RAB3C: variants seen among roughly 807,000 people sequenced by gnomAD.
The protein encoded by RAB3C is RAB3C, member RAS oncogene family, also known as ras-related protein Rab-3C.
Under a neutral mutation model 26.4 loss-of-function variants are expected in RAB3C, and 17 were observed. The observed-to-expected ratio is 0.64, with a 90% CI of 0.44 to 0.97. The LOEUF (loss-of-function observed/expected upper bound fraction) is 0.97, where lower values mean the gene tolerates loss of function less well. Ranked by LOEUF, RAB3C falls within the 50% of genes least tolerant of loss-of-function variation. RAB3C has a pLI of 0.00. For missense variants in RAB3C, 242 were observed against 281.9 expected, an observed-to-expected ratio of 0.86 and a Z score of 1.01; for synonymous variants, 91 against 95.9, an observed-to-expected ratio of 0.95 and a Z score of 0.30.
chr5:58,635,432 C>CA (rs1296961355), intron 2 of RAB3C, among the ~76,000 whole-genome samples: 1 of 152,084 alleles, frequency 6.6e-6, no homozygotes, highest in Non-Finnish European at 1.5e-5. Context: ...CTCCTGCCTC[C>CA]AAAAAAACCC....
At chr5:58,599,362 C>T (rs1259364346) in intron 1 of RAB3C, among the ~76,000 whole-genome samples, 1 of 152,152 alleles carries the variant, frequency 6.6e-6, no homozygotes, top group Non-Finnish European at 1.5e-5. Context: ...GGGACCAGGG[C>T]CTGAGCTTCA....
chr5:58,629,672 G>A (rs1747150492), intron 2 of RAB3C, among the ~76,000 whole-genome samples: 1 of 152,154 alleles, frequency 6.6e-6, no homozygotes, highest in East Asian at 1.9e-4. Context: ...GTATGCCCTG[G>A]TTGCAGGCTG....
chr5:58,652,667 T>C (rs927392002), intron 2 of RAB3C, among the ~76,000 whole-genome samples: 1 of 148,710 alleles, frequency 6.7e-6, no homozygotes. Context: ...CATCTATATA[T>C]TTAGATGTTT....
intron 2 of RAB3C, 109 bp from the exon 3 acceptor site, chr5:58,725,893 A>G: frequency 1.6e-6 from 1 of 629,180 alleles, no homozygotes; most frequent in East Asian, 2.8e-5. Flanking sequence ...AGCTATACAC[A>G]ACAAGTACAT....
chr5:58,638,121 T>C (rs1747326204), intron 2 of RAB3C, among the ~76,000 whole-genome samples: 1 of 152,184 alleles, frequency 6.6e-6, no homozygotes, highest in Non-Finnish European at 1.5e-5. Flanking sequence ...GTTGCCTAGT[T>C]GACATCCTAA....
intron 4 of RAB3C, among the ~76,000 whole-genome samples, chr5:58,841,114 G>A (rs561681007): frequency 5.1e-4 from 78 of 152,334 alleles, no homozygotes; most frequent in South Asian, 1.5e-3. Flanking sequence ...CAGGGGGCAG[G>A]GGGCAGGGGC....
At chr5:58,616,043 A>T (rs1406269808) in intron 1 of RAB3C, among the ~76,000 whole-genome samples, 1 of 151,684 alleles carries the variant, frequency 6.6e-6, no homozygotes, top group East Asian at 1.9e-4. Context: ...GTTGTCCTAG[A>T]TGAGGCTGAG....
intron 2 of RAB3C, among the ~76,000 whole-genome samples, chr5:58,654,326 AGC>A (rs529316011): frequency 6.6e-4 from 100 of 152,324 alleles, no homozygotes; most frequent in African/African-American, 2.4e-3. Context: ...CTTTCCAAAG[AGC>A]TTAGCAAGTT....
chr5:58,837,294 G>C (rs562206156), intron 4 of RAB3C, among the ~76,000 whole-genome samples: 2 of 151,220 alleles, frequency 1.3e-5, no homozygotes, highest in African/African-American at 4.9e-5. Flanking sequence ...CAATTCTCCA[G>C]CCTCAGTCTC....
chr5:58,760,537 C>A (rs1327032855), intron 3 of RAB3C, among the ~76,000 whole-genome samples: 1 of 152,166 alleles, frequency 6.6e-6, no homozygotes, highest in Non-Finnish European at 1.5e-5. Flanking sequence ...AAAGGGATCA[C>A]CAAAACACTT....
In RAB3C at chr5:58,688,218, A is replaced by G. The variant is rs545620438; in HGVS notation, c.253-37784A>G. Among the ~76,000 whole-genome samples, 6 of 152,088 alleles carry G rather than the reference A, an allele frequency of 3.9e-5. No individual in the cohort carries two copies. The South Asian group carries it at 1.2e-3, about 32-fold the overall frequency. ...ACTTTTCCCCACTCACTTCTTTTCC[A>G]TCTTCTACATAGGAGATGCTCCTCA... On this transcript the variant is annotated intron_variant, in intron 2 of 4. Coordinates refer to ENST00000282878, the MANE Select transcript of RAB3C (RefSeq NM_138453.4).
chr5:58,607,645 G>A (rs2111699998), intron 1 of RAB3C, among the ~76,000 whole-genome samples: 1 of 152,282 alleles, frequency 6.6e-6, no homozygotes, highest in African/African-American at 2.4e-5. Flanking sequence ...AGGAAAAAGT[G>A]TTAAGGGCAG....
chr5:58,798,450 A>G (rs1742725115), intron 3 of RAB3C, among the ~76,000 whole-genome samples: 1 of 152,148 alleles, frequency 6.6e-6, no homozygotes, highest in African/African-American at 2.4e-5. Context: ...ATCATCATAT[A>G]TACAGGTTGA....
chr5:58,808,505 C>T (rs566487425), intron 3 of RAB3C, among the ~76,000 whole-genome samples: 11 of 152,176 alleles, frequency 7.2e-5, no homozygotes, highest in Non-Finnish European at 1.6e-4. Flanking sequence ...TTAGGTTGAT[C>T]TGCTAAGTAA....
At chr5:58,809,242 C>T (rs1296206046) in intron 3 of RAB3C, among the ~76,000 whole-genome samples, 1 of 152,112 alleles carries the variant, frequency 6.6e-6, no homozygotes, top group Non-Finnish European at 1.5e-5. Context: ...AATAGAAGGA[C>T]ATCCTGGAGA....
intron 1 of RAB3C, among the ~76,000 whole-genome samples, chr5:58,611,053 A>G (rs976091376): frequency 6.6e-6 from 1 of 152,182 alleles, no homozygotes; most frequent in Admixed American, 6.6e-5. Flanking sequence ...AATGGCCTCC[A>G]GCTCCATCCC....
At position 58,859,068 on chromosome 5, in the gene RAB3C, A is replaced by G. The variant is rs1337101997; in HGVS notation, c.*7717A>G. 1 of 152,184 alleles carries G rather than the reference A, an allele frequency of 6.6e-6. No individual in the cohort carries two copies. Among genetic ancestry groups the G allele is most frequent in the African/African-American group, 2.4e-5 (1 of 41,440 alleles). 9.4% of individuals were successfully genotyped at this position (152,184 alleles called of 1,614,324 possible). On this transcript the variant is annotated 3_prime_UTR_variant, in exon 5 of 5. Transcript: ENST00000282878. Reference sequence around the variant, plus strand: ...CATTTGGCCCCTTCTCAGTGACTGCACTGTGGAACTCTTCTTAAGAAAATA... The same window carrying G: ...CATTTGGCCCCTTCTCAGTGACTGCGCTGTGGAACTCTTCTTAAGAAAATA...
chr5:58,592,781 T>C (rs1380081891), intron 1 of RAB3C, among the ~76,000 whole-genome samples: 1 of 152,146 alleles, frequency 6.6e-6, no homozygotes, highest in Non-Finnish European at 1.5e-5. Context: ...GTTCTTCATA[T>C]TATTGTGCCC....
chr5:58,797,036 A>G (rs1742672209), intron 3 of RAB3C, among the ~76,000 whole-genome samples: 1 of 150,500 alleles, frequency 6.6e-6, no homozygotes, highest in Non-Finnish European at 1.5e-5. Flanking sequence ...CATATTTCCA[A>G]ACAAAACTGC....
Sources: allele counts gnomAD v4.1 joint callset (sites outside exome capture counted in the v4.1 genomes callset), GRCh38; gene constraint gnomAD v4.1.1; transcripts MANE v1.5; gene names NCBI Gene and HGNC (gene_info 2026-07-23, HGNC 2026-07-21).